Variants in SGCZ observed in about 807,000 individuals in gnomAD.
SGCZ encodes the protein sarcoglycan zeta, also known as zeta-sarcoglycan.
A neutral mutation model predicts 41.3 loss-of-function variants in SGCZ; 40 were observed. The observed-to-expected ratio is 0.97, with a 90% CI of 0.75 to 1.26. SGCZ has a LOEUF of 1.26. Among genes scored for constraint, SGCZ ranks in the 50% most tolerant of loss-of-function variants. SGCZ has a pLI of 0.00. For missense variants in SGCZ, 552 were observed against 369.8 expected (o/e 1.49, Z -4.04); for synonymous variants, 206 against 137.5 (o/e 1.50, Z -3.49).
In SGCZ at chr8:14,554,085, G is replaced by T. The variant is rs914351631; in HGVS notation, c.234+647C>A. On this transcript the variant is annotated intron_variant, in intron 2 of 7. Coordinates refer to ENST00000382080, the MANE Select transcript of SGCZ (RefSeq NM_139167.4). ...ATTTATTATAAACATTCAGTAAACTGCAGCAAACTTCATTAATACATTATA... is the reference window on the plus strand; with the variant it reads ...ATTTATTATAAACATTCAGTAAACTTCAGCAAACTTCATTAATACATTATA... Among the ~76,000 whole-genome samples, 3 of 152,024 alleles carry T rather than the reference G, an allele frequency of 2.0e-5. No individual in the cohort carries two copies. The East Asian group carries it at 5.8e-4, about 29-fold the overall frequency.
chr8:14,864,366 T>G (rs968200220), intron 1 of SGCZ, among the ~76,000 whole-genome samples: 1 of 152,162 alleles, frequency 6.6e-6, no homozygotes, highest in Non-Finnish European at 1.5e-5. Context: ...ATAGACATAT[T>G]AATTTTCTTT....
intron 1 of SGCZ, among the ~76,000 whole-genome samples, chr8:15,173,275 A>C (rs1189590644): frequency 2.0e-5 from 3 of 152,212 alleles, no homozygotes; most frequent in Non-Finnish European, 4.4e-5. Flanking sequence ...AAATATTCAC[A>C]TTATTGTGAA....
chr8:14,875,726 C>T (rs192783178), intron 1 of SGCZ, among the ~76,000 whole-genome samples: 34 of 152,026 alleles, frequency 2.2e-4, no homozygotes, highest in African/African-American at 6.8e-4. Context: ...AGCTGTGATA[C>T]GGGGGAAAGA....
intron 4 of SGCZ, among the ~76,000 whole-genome samples, chr8:14,201,920 G>C (rs538205497): frequency 2.0e-5 from 3 of 152,188 alleles, no homozygotes; most frequent in East Asian, 3.9e-4. Context: ...TACTATCTTT[G>C]TAACTTTTTA....
At chr8:15,070,556 C>T (rs116865778) in intron 1 of SGCZ, among the ~76,000 whole-genome samples, 5,870 of 152,146 alleles carry the variant, frequency 0.039, 145 homozygotes, top group Non-Finnish European at 0.056. Context: ...AAGAATGTAA[C>T]GAGTAAGAAT....
At chr8:14,364,527 T>A (rs180922823) in intron 2 of SGCZ, among the ~76,000 whole-genome samples, 300 of 152,180 alleles carry the variant, frequency 2.0e-3, no homozygotes, top group African/African-American at 6.5e-3. Context: ...TGTGATATAT[T>A]TTTTTTCTTT....
At chr8:14,340,877 C>T (rs1434293437) in intron 2 of SGCZ, among the ~76,000 whole-genome samples, 2 of 152,074 alleles carry the variant, frequency 1.3e-5, no homozygotes, top group Non-Finnish European at 2.9e-5. Context: ...CATCATCACT[C>T]TCCATCTTAA....
intron 1 of SGCZ, among the ~76,000 whole-genome samples, chr8:15,118,027 G>C (rs997613269): frequency 2.6e-5 from 4 of 152,292 alleles, no homozygotes; most frequent in Admixed American, 2.6e-4. Context: ...TGAAAGATAA[G>C]AATGTCCTTG....
At position 14,437,233 on chromosome 8, in the gene SGCZ, C is replaced by T. The variant is rs953472154; in HGVS notation, c.235-113029G>A. Among the ~76,000 whole-genome samples, 49 of 152,154 alleles carry T rather than the reference C, an allele frequency of 3.2e-4. 2 individuals carry two copies. The highest frequency in any genetic ancestry group is 1.4e-3 in the Admixed American group (21 of 15,268). Reference sequence around the variant, plus strand: ...GGATCTGGCAGAAAAGCAAGACAGACCAACGGATTTTAACGAAACCAATTC... The same window carrying T: ...GGATCTGGCAGAAAAGCAAGACAGATCAACGGATTTTAACGAAACCAATTC... On this transcript the variant is annotated intron_variant, in intron 2 of 7. Coordinates refer to ENST00000382080, the MANE Select transcript of SGCZ (RefSeq NM_139167.4).
At chr8:14,893,037 G>T (rs914271648) in intron 1 of SGCZ, among the ~76,000 whole-genome samples, 1 of 152,188 alleles carries the variant, frequency 6.6e-6, no homozygotes, top group African/African-American at 2.4e-5. Context: ...CCCTGTGAAT[G>T]TGTTGCCTAA....
intron 1 of SGCZ, among the ~76,000 whole-genome samples, chr8:14,963,200 G>A (rs971156216): frequency 6.6e-6 from 1 of 152,114 alleles, no homozygotes; most frequent in Non-Finnish European, 1.5e-5. Flanking sequence ...ACCATATATG[G>A]CATACACCAG....
At chr8:15,187,374 A>G (rs1800380222) in intron 1 of SGCZ, among the ~76,000 whole-genome samples, 1 of 152,106 alleles carries the variant, frequency 6.6e-6, no homozygotes, top group South Asian at 2.1e-4. Context: ...ATACATGTGC[A>G]TGTAATGTGC....
intron 7 of SGCZ, among the ~76,000 whole-genome samples, chr8:14,101,753 G>C (rs188422996): frequency 2.7e-4 from 41 of 149,770 alleles, no homozygotes; most frequent in African/African-American, 1.0e-3. Context: ...AGAACTTTCT[G>C]AATATCAAGA....
At chr8:14,352,424 A>G (rs913304769) in intron 2 of SGCZ, among the ~76,000 whole-genome samples, 3 of 152,120 alleles carry the variant, frequency 2.0e-5, no homozygotes, top group African/African-American at 7.2e-5. Flanking sequence ...AAGGGAAGAA[A>G]TAAGTTTGTG....
intron 1 of SGCZ, among the ~76,000 whole-genome samples, chr8:14,570,587 T>C (rs1185281261): frequency 6.6e-6 from 1 of 152,216 alleles, no homozygotes; most frequent in Non-Finnish European, 1.5e-5. Context: ...ATATATTTTC[T>C]AAGAAAAATT....
At chr8:14,569,759 A>C (rs527890409) in intron 1 of SGCZ, among the ~76,000 whole-genome samples, 37 of 152,320 alleles carry the variant, frequency 2.4e-4, no homozygotes, top group African/African-American at 8.9e-4. Context: ...TGAAGTTTTG[A>C]GTAAAGTCCA....
chr8:14,826,811 T>A (rs1030612717), intron 1 of SGCZ, among the ~76,000 whole-genome samples: 1 of 152,218 alleles, frequency 6.6e-6, no homozygotes, highest in Non-Finnish European at 1.5e-5. Flanking sequence ...TTTGTTTGAG[T>A]TCATTGTAGA....
At chr8:14,381,456 C>A (rs1804360261) in intron 2 of SGCZ, among the ~76,000 whole-genome samples, 1 of 152,212 alleles carries the variant, frequency 6.6e-6, no homozygotes, top group South Asian at 2.1e-4. Flanking sequence ...TCCCTGTCCT[C>A]TAAGAATACT....
intron 2 of SGCZ, among the ~76,000 whole-genome samples, chr8:14,455,740 C>T (rs559924644): frequency 6.6e-6 from 1 of 152,256 alleles, no homozygotes; most frequent in Admixed American, 6.5e-5. Context: ...AATTATGGCA[C>T]ATTTACACAA....
Sources: gnomAD v4.1 joint callset for allele counts (sites outside exome capture counted in the v4.1 genomes callset) on GRCh38, gnomAD v4.1.1 for gene constraint, MANE v1.5 for transcripts, NCBI Gene and HGNC (gene_info 2026-07-23, HGNC 2026-07-21) for gene names.